The following SLIT3 variants were observed in gnomAD, a reference collection of about 807,000 sequenced individuals.
SLIT3 encodes the protein slit guidance ligand 3.
Under a neutral mutation model 184.0 loss-of-function variants are expected in SLIT3, and 68 were observed. The ratio of observed to expected loss-of-function variants is 0.37; its 90% confidence interval spans 0.30 to 0.45. The LOEUF (loss-of-function observed/expected upper bound fraction) is 0.45, where lower values mean the gene tolerates loss of function less well. Ranked by LOEUF, SLIT3 falls within the 20% of genes least tolerant of loss-of-function variation. The pLI is 1.00. For missense variants in SLIT3, 1,707 were observed against 2,026.0 expected, an observed-to-expected ratio of 0.84 and a Z score of 3.02; for synonymous variants, 831 against 828.6, an observed-to-expected ratio of 1.00 and a Z score of -0.05.
intron 28 of SLIT3, among the ~76,000 whole-genome samples, chr5:168,694,165 C>T (rs2113258741): frequency 6.6e-6 from 1 of 152,308 alleles, no homozygotes; most frequent in Non-Finnish European, 1.5e-5. Context: ...TAGGCCTCAA[C>T]TGCGGCAGGA....
At chr5:168,798,067 A>G (rs1039455771) in intron 9 of SLIT3, among the ~76,000 whole-genome samples, 2 of 152,162 alleles carry the variant, frequency 1.3e-5, no homozygotes, top group African/African-American at 4.8e-5. Flanking sequence ...GTGAATACAC[A>G]TAAGACATAT....
chr5:168,712,650 C>T (rs527635392), intron 23 of SLIT3: 8 of 314,948 alleles, frequency 2.5e-5, no homozygotes, highest in Admixed American at 4.6e-5. Flanking sequence ...GGATAAGTTA[C>T]GTCACTTTTC....
Position 168,999,915 on chromosome 5 carries a change from A to G in SLIT3, c.414-116579T>C, listed in dbSNP as rs564832425. On this transcript the variant is annotated intron_variant, in intron 4 of 35. Coordinates refer to ENST00000519560, the MANE Select transcript of SLIT3 (RefSeq NM_003062.4). Reference sequence around the variant, plus strand: ...CTTGAGCTCGATGGCCTTGTGGCTCATGGCTTGGAGTAGGGAGATGACCCA... The same window carrying G: ...CTTGAGCTCGATGGCCTTGTGGCTCGTGGCTTGGAGTAGGGAGATGACCCA... 6.5e-4 allele frequency among the ~76,000 whole-genome samples: 99 copies of G among 152,298 alleles called. No individual in the cohort carries two copies. The Middle Eastern group carries it at 0.01, about 16-fold the overall frequency.
At chr5:169,154,120 C>G (rs1283546253) in intron 4 of SLIT3, among the ~76,000 whole-genome samples, 1 of 151,992 alleles carries the variant, frequency 6.6e-6, no homozygotes, top group Non-Finnish European at 1.5e-5. Flanking sequence ...CTACAGGCAC[C>G]CACCACCAAG....
chr5:168,766,848 C>G (rs1704215549), intron 14 of SLIT3, among the ~76,000 whole-genome samples: 1 of 152,236 alleles, frequency 6.6e-6, no homozygotes, highest in South Asian at 2.1e-4. Context: ...AATGCTTTCT[C>G]TCTTACTCAA....
chr5:168,699,454 C>T (rs1347342856), intron 27 of SLIT3, among the ~76,000 whole-genome samples: 2 of 152,184 alleles, frequency 1.3e-5, no homozygotes, highest in Non-Finnish European at 2.9e-5. Flanking sequence ...GGAGCCCGTT[C>T]CCAACAGTCT....
At chr5:168,939,252 C>A (rs1013457081) in intron 4 of SLIT3, among the ~76,000 whole-genome samples, 1 of 152,152 alleles carries the variant, frequency 6.6e-6, no homozygotes, top group Admixed American at 6.5e-5. Flanking sequence ...CCGCTGGGCT[C>A]GGGCACATTT....
At chr5:169,094,349 C>A (rs1759701396) in intron 4 of SLIT3, among the ~76,000 whole-genome samples, 1 of 152,224 alleles carries the variant, frequency 6.6e-6, no homozygotes, top group African/African-American at 2.4e-5. Context: ...ATAGCCCAGG[C>A]CAGGTGTGTT....
intron 14 of SLIT3, among the ~76,000 whole-genome samples, chr5:168,770,861 T>C (rs1164689584): frequency 6.6e-6 from 1 of 152,098 alleles, no homozygotes; most frequent in Non-Finnish European, 1.5e-5. Flanking sequence ...ATTTTCCTTT[T>C]CTCCTACTTA....
chr5:169,153,870 G>A (rs983919575), intron 4 of SLIT3, among the ~76,000 whole-genome samples: 2 of 152,096 alleles, frequency 1.3e-5, no homozygotes, highest in African/African-American at 4.8e-5. Flanking sequence ...CTCCATCAAG[G>A]TGAACTACTT....
intron 4 of SLIT3, among the ~76,000 whole-genome samples, chr5:168,933,994 C>T (rs150211470): frequency 6.6e-6 from 1 of 152,292 alleles, no homozygotes; most frequent in African/African-American, 2.4e-5. Context: ...TGCCCAATTC[C>T]TCCCTTTCTG....
intron 4 of SLIT3, among the ~76,000 whole-genome samples, chr5:169,115,285 G>C (rs1489381117): frequency 6.6e-6 from 1 of 152,152 alleles, no homozygotes; most frequent in Admixed American, 6.5e-5. Context: ...ATCCCACCTA[G>C]ACTCAACACA....
chr5:168,995,323 C>T (rs1246557265), intron 4 of SLIT3, among the ~76,000 whole-genome samples: 2 of 152,202 alleles, frequency 1.3e-5, no homozygotes, highest in Admixed American at 1.3e-4. Context: ...GAAGAATTAG[C>T]CACTTAGATC....
intron 4 of SLIT3, among the ~76,000 whole-genome samples, chr5:169,068,129 G>C (rs1438426839): frequency 1.3e-5 from 2 of 152,074 alleles, no homozygotes; most frequent in East Asian, 3.9e-4. Flanking sequence ...CAGTCAAGCT[G>C]ATAAGCACTA....
intron 9 of SLIT3, among the ~76,000 whole-genome samples, chr5:168,799,118 C>T (rs1055977597): frequency 2.0e-5 from 3 of 152,176 alleles, no homozygotes; most frequent in Non-Finnish European, 4.4e-5. Flanking sequence ...AAAGTGTGCA[C>T]ACATGTGTGC....
At chr5:168,918,040 A>G (rs1436482174) in intron 4 of SLIT3, among the ~76,000 whole-genome samples, 1 of 152,154 alleles carries the variant, frequency 6.6e-6, no homozygotes, top group Non-Finnish European at 1.5e-5. Context: ...ATAAATTTAA[A>G]CAGTCTTCAG....
intron 20 of SLIT3, among the ~76,000 whole-genome samples, chr5:168,744,085 C>T (rs1019902387): frequency 2.0e-5 from 3 of 152,124 alleles, no homozygotes; most frequent in East Asian, 1.9e-4. Context: ...GTCAGGAGAT[C>T]GAGACCATCC....
Position 168,722,989 on chromosome 5 carries a change from G to A in SLIT3, c.2355C>T (p.Asn785=). Residue 785 remains asparagine (N), a synonymous_variant, in exon 22 of 36, where the codon AAC becomes AAT. Coordinates refer to ENST00000519560, the MANE Select transcript of SLIT3 (RefSeq NM_003062.4). ...TGTAATTGGTCAGCATGCTGATGCT[G>A]TTGTTGCTCAGGTCACTAGGAAAAG... ...RHLTLIDLSN[N]SISMLTNYTF... is the part of the protein sequence containing the mutation. 6.2e-7 allele frequency: 1 copy of A among 1,613,800 alleles called. No individual in the cohort carries two copies. The highest frequency in any genetic ancestry group is 8.5e-7 in the Non-Finnish European group (1 of 1,179,708).
intron 4 of SLIT3, chr5:169,038,037 A>C (rs1757316569): frequency 6.6e-6 from 1 of 151,504 alleles, no homozygotes; most frequent in South Asian, 2.1e-4. Context: ...AATGATACAG[A>C]ATTTTTCGTT....
Sources: allele counts gnomAD v4.1 joint callset (sites outside exome capture counted in the v4.1 genomes callset), GRCh38; gene constraint gnomAD v4.1.1; transcripts MANE v1.5; gene names NCBI Gene and HGNC (gene_info 2026-07-23, HGNC 2026-07-21).